Variants in PIGL observed in about 807,000 individuals in gnomAD.
PIGL encodes N-acetylglucosaminyl-phosphatidylinositol de-N-acetylase.
A neutral mutation model predicts 31.1 loss-of-function variants in PIGL; 22 were observed. That is an observed-to-expected ratio of 0.71 (90% CI 0.51 to 1.01). The LOEUF (loss-of-function observed/expected upper bound fraction) is 1.01, where lower values mean the gene tolerates loss of function less well. PIGL is among the 50% of genes least tolerant of loss of function. The pLI is 0.00. For synonymous variants in PIGL, 131 were observed against 117.4 expected (o/e 1.12, Z -0.75); for missense variants, 302 against 315.9 (o/e 0.96, Z 0.33).
Position 16,317,884 on chromosome 17 carries a change from C to T in PIGL, c.636C>T (p.Asn212=). 6.2e-7 allele frequency: 1 copy of T among 1,613,744 alleles called. No individual in the cohort carries two copies. The highest frequency in any genetic ancestry group is 8.5e-7 in the Non-Finnish European group (1 of 1,180,026). Residue 212 remains asparagine (N), a synonymous_variant, in exon 6 of 7, where the codon AAC becomes AAT. Transcript: ENST00000225609. ...LHTQDVLFVL[N]SKEVAQAKKA... ...CGCAGGATGTCCTCTTCGTGCTCAA[C>T]AGCAAAGAAGTGGCACAGGCCAAGG...
chr17:16,244,198 G>A (rs2142709206), intron 2 of PIGL, among the ~76,000 whole-genome samples: 1 of 152,214 alleles, frequency 6.6e-6, no homozygotes, highest in African/African-American at 2.4e-5. Context: ...TATAATCTTG[G>A]GCCTAACTCG....
chr17:16,299,904 C>T lies in PIGL; in HGVS notation c.352C>T (p.Pro118Ser). 1 of 1,613,546 alleles carries T rather than the reference C, an allele frequency of 6.2e-7. No individual in the cohort carries two copies. The highest frequency in any genetic ancestry group is 8.5e-7 in the Non-Finnish European group (1 of 1,179,460). Reference sequence around the variant, plus strand: ...CTCTTGTAGGGATTTCCCAGATGACCCAGGCATGCAGTGGGACACAGAGCA... The same window carrying T: ...CTCTTGTAGGGATTTCCCAGATGACTCAGGCATGCAGTGGGACACAGAGCA... The part of the protein sequence containing the change: ...IIDNRDFPDD[P>S]GMQWDTEHVA... The change falls in exon 3 of 7, where the codon CCA (proline) becomes TCA (serine). Residue 118 changes from proline to serine, a missense_variant. By Grantham distance (74) the Pro-to-Ser change is moderately conservative (BLOSUM62 -1). Transcript: ENST00000225609.
At chr17:16,291,188 C>T (rs989627651) in intron 2 of PIGL, among the ~76,000 whole-genome samples, 1 of 152,064 alleles carries the variant, frequency 6.6e-6, no homozygotes, top group South Asian at 2.1e-4. Context: ...CTCTTTTAAC[C>T]AGTTCTTTCC....
At chr17:16,232,569 A>G (rs1438655977) in intron 1 of PIGL, among the ~76,000 whole-genome samples, 1 of 152,182 alleles carries the variant, frequency 6.6e-6, no homozygotes, top group Non-Finnish European at 1.5e-5. Flanking sequence ...AATAAAACAC[A>G]TTAGCCTCAA....
At chr17:16,250,980 G>A (rs1379789788) in intron 2 of PIGL, among the ~76,000 whole-genome samples, 5 of 151,854 alleles carry the variant, frequency 3.3e-5, no homozygotes, top group Non-Finnish European at 7.4e-5. Context: ...TTCTTTTTTT[G>A]TTTCACAGGA....
chr17:16,227,675 G>GGA (rs2092658605), intron 1 of PIGL, among the ~76,000 whole-genome samples: 1 of 143,204 alleles, frequency 7.0e-6, no homozygotes. Context: ...CTGCCTCCCA[G>GGA]GTTCAAGCGA....
chr17:16,316,988 G>C, intron 5 of PIGL: 1 of 1,229,444 alleles, frequency 8.1e-7, no homozygotes, highest in Non-Finnish European at 1.0e-6. Flanking sequence ...TTACACCTCT[G>C]GTATTCTTCC....
chr17:16,223,570 C>G (rs1488894653), intron 1 of PIGL, among the ~76,000 whole-genome samples: 1 of 151,776 alleles, frequency 6.6e-6, no homozygotes, highest in East Asian at 1.9e-4. Context: ...GAGCTAGACT[C>G]TATCTCAAAA....
rs572810101 is a variant in PIGL, at chr17:16,225,411, C to T, written c.235+7950C>T. On this transcript the variant is annotated intron_variant, in intron 1 of 6. Transcript: ENST00000225609. ...TTTTTTTTTTTTTTTTTTTTTGATA[C>T]GGAGTCTAGCTCTGTTGCCCAGGCT... Among the ~76,000 whole-genome samples, 12 of 104,708 alleles carry T rather than the reference C, an allele frequency of 1.1e-4. No individual in the cohort carries two copies. The East Asian group carries it at 3.0e-3, about 27-fold the overall frequency. The allele number at this position is 104,708 out of a possible 152,430, so 68.7% of individuals were successfully genotyped here.
chr17:16,299,329 C>T (rs1213760418), intron 2 of PIGL, among the ~76,000 whole-genome samples: 1 of 151,944 alleles, frequency 6.6e-6, no homozygotes, highest in East Asian at 1.9e-4. Flanking sequence ...GTGGTGGGTG[C>T]CTGTAATCCC....
At chr17:16,225,898 C>A (rs760594308) in intron 1 of PIGL, among the ~76,000 whole-genome samples, 1 of 151,908 alleles carries the variant, frequency 6.6e-6, no homozygotes, top group Non-Finnish European at 1.5e-5. Flanking sequence ...TTAAATCTTT[C>A]CAGCCTGTGT....
chr17:16,268,046 G>A (rs2142763376), intron 2 of PIGL, among the ~76,000 whole-genome samples: 1 of 152,198 alleles, frequency 6.6e-6, no homozygotes, highest in African/African-American at 2.4e-5. Flanking sequence ...ACCATGCCGT[G>A]GTAACAGCAG....
intron 4 of PIGL, 27 bp from the exon 5 acceptor site, chr17:16,316,654 C>G: frequency 6.3e-7 from 1 of 1,578,332 alleles, no homozygotes; most frequent in Non-Finnish European, 8.7e-7. Context: ...CCTTACTCCT[C>G]TCACTCTTGT....
At chr17:16,274,387 G>GTTTA (rs921104691) in intron 2 of PIGL, among the ~76,000 whole-genome samples, 8 of 152,096 alleles carry the variant, frequency 5.3e-5, no homozygotes, top group African/African-American at 1.2e-4. Flanking sequence ...TTGTTTGTTT[G>GTTTA]TTTATTTATT....
chr17:16,252,310 G>T (rs962320177), intron 2 of PIGL, among the ~76,000 whole-genome samples: 6 of 151,754 alleles, frequency 4.0e-5, no homozygotes, highest in African/African-American at 1.5e-4. Context: ...TTGACCTCGT[G>T]GTCCACCCGC....
At chr17:16,275,797 G>T (rs1481930642) in intron 2 of PIGL, among the ~76,000 whole-genome samples, 1 of 152,140 alleles carries the variant, frequency 6.6e-6, no homozygotes, top group Non-Finnish European at 1.5e-5. Context: ...GCCAAGGCAG[G>T]CAGATCACTT....
intron 3 of PIGL, among the ~76,000 whole-genome samples, chr17:16,305,450 T>C (rs2093022491): frequency 6.6e-6 from 1 of 152,104 alleles, no homozygotes; most frequent in African/African-American, 2.4e-5. Flanking sequence ...TTTTGCACTT[T>C]AGGAAAAAAT....
rs577763779 is a variant in PIGL, at chr17:16,288,228, C to A, written c.336-11660C>A. On this transcript the variant is annotated intron_variant, in intron 2 of 6. Coordinates refer to ENST00000225609, the MANE Select transcript of PIGL (RefSeq NM_004278.4). ...TTCTTTCTCTTTCTTTCTTTCGAGA[C>A]GAAGTCTCACTCTTGTTGCCCAGGT... 2.0e-5 allele frequency among the ~76,000 whole-genome samples: 3 copies of A among 152,180 alleles called. No individual in the cohort carries two copies. In the South Asian group the frequency reaches 6.2e-4, roughly 32 times the overall value.
chr17:16,219,326 C>T (rs2092615216), intron 1 of PIGL, among the ~76,000 whole-genome samples: 1 of 152,074 alleles, frequency 6.6e-6, no homozygotes, highest in Non-Finnish European at 1.5e-5. Context: ...TCCCAAAGTG[C>T]TGGGATTACA....
Sources: allele counts gnomAD v4.1 joint callset (sites outside exome capture counted in the v4.1 genomes callset), GRCh38; gene constraint gnomAD v4.1.1; transcripts MANE v1.5; gene names NCBI Gene and HGNC (gene_info 2026-07-23, HGNC 2026-07-21).